The following PRKN variants were observed in gnomAD, a reference collection of about 807,000 sequenced individuals.
PRKN encodes the protein E3 ubiquitin-protein ligase parkin.
Under a neutral mutation model 59.5 loss-of-function variants are expected in PRKN, and 56 were observed. The observed-to-expected ratio is 0.94, with a 90% confidence interval of 0.76 to 1.18. The LOEUF (loss-of-function observed/expected upper bound fraction) is 1.18, where lower values mean the gene tolerates loss of function less well. Ranked by LOEUF, PRKN falls within the 50% of genes most tolerant of loss-of-function variation. The pLI, the probability that PRKN is intolerant of heterozygous loss-of-function variation, is 0.00. For synonymous variants in PRKN, 250 were observed against 222.1 expected (o/e 1.13, Z -1.12); for missense variants, 657 against 596.4 (o/e 1.10, Z -1.06).
At chr6:161,964,560 T>C (rs1780506772) in intron 6 of PRKN, among the ~76,000 whole-genome samples, 1 of 152,018 alleles carries the variant, frequency 6.6e-6, no homozygotes, top group Non-Finnish European at 1.5e-5. Flanking sequence ...TCTTAAAAAG[T>C]TGTAAGATTT....
intron 7 of PRKN, among the ~76,000 whole-genome samples, chr6:161,655,887 C>T (rs1316002496): frequency 4.6e-4 from 20 of 43,334 alleles, no homozygotes; most frequent in African/African-American, 3.8e-3. Flanking sequence ...CACACACATA[C>T]ACACACACAC....
chr6:162,318,613 CTTT>C (rs1358633405), intron 2 of PRKN, among the ~76,000 whole-genome samples: 3 of 151,946 alleles, frequency 2.0e-5, no homozygotes, highest in Admixed American at 2.0e-4. Context: ...TTTTTACTTC[CTTT>C]TTTGTTGTTT....
At chr6:162,474,982 TTATAA>T (rs1441108421) in intron 1 of PRKN, among the ~76,000 whole-genome samples, 5 of 152,200 alleles carry the variant, frequency 3.3e-5, no homozygotes, top group South Asian at 2.1e-4. Flanking sequence ...GATTTTTTAA[TTATAA>T]AAATTCTTCT....
chr6:162,461,499 C>CAAAAAAAAAAAAAAAAAAAAAAAAAAAA (rs780424226), intron 1 of PRKN, among the ~76,000 whole-genome samples: 8 of 36,516 alleles, frequency 2.2e-4, no homozygotes, highest in Non-Finnish European at 2.8e-4. Flanking sequence ...TAAAGTGTCT[C>CAAAAAAAAAAAAAAAAAAAAAAAAAAAA]AAAAAAAAAA....
intron 6 of PRKN, among the ~76,000 whole-genome samples, chr6:161,864,630 TTTTG>T (rs201742637): frequency 1.1e-3 from 168 of 152,016 alleles, no homozygotes; most frequent in Middle Eastern, 6.8e-3. Context: ...CAAAAGGTGT[TTTTG>T]TTTGTTTGTT....
intron 8 of PRKN, among the ~76,000 whole-genome samples, chr6:161,565,789 T>G (rs1445213822): frequency 1.3e-5 from 2 of 152,094 alleles, no homozygotes; most frequent in Non-Finnish European, 2.9e-5. Context: ...ATCTGTACTC[T>G]CAGCTGATGA....
intron 4 of PRKN, among the ~76,000 whole-genome samples, chr6:162,133,183 T>C (rs1781439738): frequency 6.6e-6 from 1 of 152,162 alleles, no homozygotes; most frequent in South Asian, 2.1e-4. Context: ...TGAAGACTGA[T>C]AGGAATAGGA....
chr6:162,560,876 A>T, intron 1 of PRKN, among the ~76,000 whole-genome samples: 1 of 144,138 alleles, frequency 6.9e-6, no homozygotes, highest in Non-Finnish European at 1.5e-5. Flanking sequence ...AACCCAGGTC[A>T]TTATAAAACA....
chr6:161,522,177 T>TA (rs1325198374), intron 9 of PRKN, among the ~76,000 whole-genome samples: 1 of 152,120 alleles, frequency 6.6e-6, no homozygotes, highest in South Asian at 2.1e-4. Context: ...CCCAGCACGT[T>TA]AAAAAAATCC....
chr6:161,486,606 G>A (rs1458960533), intron 9 of PRKN, among the ~76,000 whole-genome samples: 1 of 152,128 alleles, frequency 6.6e-6, no homozygotes, highest in African/African-American at 2.4e-5. Context: ...GTTCTTTTTG[G>A]TTCACACTGC....
At chr6:162,418,545 G>A (rs1788764213) in intron 2 of PRKN, among the ~76,000 whole-genome samples, 1 of 151,728 alleles carries the variant, frequency 6.6e-6, no homozygotes, top group Non-Finnish European at 1.5e-5. Flanking sequence ...TGCAGAACAA[G>A]AATTGGAGTG....
chr6:162,101,338 C>G (rs1779960718), intron 4 of PRKN, among the ~76,000 whole-genome samples: 1 of 151,490 alleles, frequency 6.6e-6, no homozygotes, highest in Non-Finnish European at 1.5e-5. Context: ...AGAGACAGTA[C>G]TTTCCCCGTT....
intron 6 of PRKN, among the ~76,000 whole-genome samples, chr6:161,918,870 A>G (rs772423412): frequency 1.3e-5 from 2 of 152,210 alleles, no homozygotes; most frequent in Non-Finnish European, 2.9e-5. Context: ...GACAAAATCT[A>G]GTGTCGGTGA....
chr6:162,543,922 G>C (rs1000611958), intron 1 of PRKN, among the ~76,000 whole-genome samples: 1 of 152,118 alleles, frequency 6.6e-6, no homozygotes, highest in African/African-American at 2.4e-5. Flanking sequence ...CCTCTGAAAG[G>C]TTTCTGACTA....
chr6:162,416,808 T>G (rs1031456417), intron 2 of PRKN, among the ~76,000 whole-genome samples: 4 of 152,214 alleles, frequency 2.6e-5, no homozygotes, highest in Admixed American at 2.0e-4. Flanking sequence ...AAATGAAAAT[T>G]TGAGTAAAGA....
intron 1 of PRKN, among the ~76,000 whole-genome samples, chr6:162,521,596 T>C (rs1778080006): frequency 1.3e-5 from 2 of 152,170 alleles, no homozygotes; most frequent in South Asian, 4.1e-4. Context: ...AAAAAACATA[T>C]TACTATTCTA....
At chr6:162,660,067 T>C (rs1778819422) in intron 1 of PRKN, among the ~76,000 whole-genome samples, 1 of 152,200 alleles carries the variant, frequency 6.6e-6, no homozygotes, top group Admixed American at 6.5e-5. Context: ...CTGTTCTCAC[T>C]ACTAGAATGT....
intron 6 of PRKN, among the ~76,000 whole-genome samples, chr6:161,808,019 T>C (rs1791408451): frequency 6.6e-6 from 1 of 152,220 alleles, no homozygotes; most frequent in African/African-American, 2.4e-5. Context: ...AGTTCCTGTA[T>C]TGTGCGATCT....
At position 161,363,322 on chromosome 6, in the gene PRKN, G is replaced by T. The variant is rs2114868171; in HGVS notation, c.1168-3117C>A. On this transcript the variant is annotated intron_variant, in intron 10 of 11. Transcript: ENST00000366898. The surrounding 1 kb of genome is among the most constrained non-coding windows in gnomAD (Gnocchi z 4.1). ...TAAAGGTGATGATAATGGAATAAGA[G>T]ACTGTCACAATTAACCAGGGAGATG... is the stretch of plus-strand genomic sequence containing the variant. Among the ~76,000 whole-genome samples, 1 of 152,276 alleles carries T rather than the reference G, an allele frequency of 6.6e-6. No individual in the cohort carries two copies. Among genetic ancestry groups the T allele is most frequent in the African/African-American group, 2.4e-5 (1 of 41,558 alleles).
Sources: allele counts gnomAD v4.1 joint callset (sites outside exome capture counted in the v4.1 genomes callset), GRCh38; gene constraint gnomAD v4.1.1; non-coding constraint Gnocchi (gnomAD v3.1); transcripts MANE v1.5; gene names NCBI Gene and HGNC (gene_info 2026-07-23, HGNC 2026-07-21).